Variants in NKIRAS1 observed in about 807,000 individuals in gnomAD.
The protein encoded by NKIRAS1 is NFKB inhibitor interacting Ras like 1, also known as NF-kappa-B inhibitor-interacting Ras-like protein 1.
NKIRAS1 carries 16 observed loss-of-function variants against 19.8 expected under a neutral mutation model. The observed-to-expected ratio is 0.81, with a 90% CI of 0.55 to 1.23. The LOEUF is 1.23. NKIRAS1 is among the 50% of genes most tolerant of loss of function. The pLI, the probability that NKIRAS1 is intolerant of heterozygous loss-of-function variation, is 0.00. For synonymous variants in NKIRAS1, 88 were observed against 79.0 expected (o/e 1.11, Z -0.61); for missense variants, 184 against 220.0 (o/e 0.84, Z 1.04).
At chr3:23,939,077 C>T (rs542462721) in intron 1 of NKIRAS1, among the ~76,000 whole-genome samples, 2 of 152,186 alleles carry the variant, frequency 1.3e-5, no homozygotes, top group Non-Finnish European at 2.9e-5. Context: ...CAAAATAATG[C>T]TGTTATCTTA....
chr3:23,926,282 C>T lies in NKIRAS1; in HGVS notation c.-139-14832G>A, dbSNP rs921327333. On this transcript the variant is annotated intron_variant, in intron 1 of 4. Transcript: ENST00000421515. This position sits in a 1 kb window ranked among gnomAD's most constrained non-coding sequence, Gnocchi z 4.3. ...GGCCAGGCTGGTCTCAAACGCCTGA[C>T]CTTAGGTGATCCACCTGCCTTGGAC... 1.3e-5 allele frequency among the ~76,000 whole-genome samples: 2 copies of T among 152,162 alleles called. No individual in the cohort carries two copies. Among genetic ancestry groups the T allele is most frequent in the Non-Finnish European group, 1.5e-5 (1 of 68,036 alleles).
rs182624727 is a variant in NKIRAS1, at chr3:23,940,325, C to T, written c.-140+5998G>A. Among the ~76,000 whole-genome samples the T allele has an allele frequency of 6.6e-4, 99 of 149,052 alleles. 1 individual carries two copies. Among genetic ancestry groups the T allele is most frequent in the African/African-American group, 2.4e-3 (97 of 40,362 alleles). ...TTGCACCACTGTACTGCAGCTGGGG[C>T]GACAAAGCCAGACCTGTTTCTAAAA... is the stretch of plus-strand genomic sequence containing the variant. On this transcript the variant is annotated intron_variant, in intron 1 of 4. Transcript: ENST00000421515.
rs927855039 is a variant in NKIRAS1, at chr3:23,913,437, G to A, written c.-139-1987C>T. ...CAGGCTGAAATATTCTAGGTTCCTG[G>A]TTGCCTTCCAAATAGGAAACAATAC... On this transcript the variant is annotated intron_variant, in intron 1 of 4. Coordinates refer to ENST00000425478, the MANE Select transcript of NKIRAS1 (RefSeq NM_020345.4). Among the ~76,000 whole-genome samples the A allele has an allele frequency of 2.6e-5, 4 of 152,144 alleles. No homozygotes were observed. In the East Asian group the frequency reaches 5.8e-4, roughly 22 times the overall value.
intron 3 of NKIRAS1, among the ~76,000 whole-genome samples, chr3:23,906,050 T>C (rs1406382776): frequency 2.7e-5 from 4 of 150,862 alleles, no homozygotes; most frequent in South Asian, 4.2e-4. Context: ...TCCCAGCTAC[T>C]TGGGAGGCTG....
rs1701460169 is a variant in NKIRAS1, at chr3:23,891,467, C to T, written c.*1628G>A. On this transcript the variant is annotated 3_prime_UTR_variant, in exon 5 of 5. Coordinates refer to ENST00000425478, the MANE Select transcript of NKIRAS1 (RefSeq NM_020345.4). ...CCTATATTAGGATCTGTACTTTACA[C>T]AGCTGTAGATGAGGTATCCTAGAAA... is the stretch of plus-strand genomic sequence containing the variant. Among the ~76,000 whole-genome samples, 1 of 152,208 alleles carries T rather than the reference C, an allele frequency of 6.6e-6. No individual in the cohort carries two copies.
chr3:23,892,999 T>C lies in NKIRAS1; in HGVS notation c.*96A>G, dbSNP rs1136155. The C allele has an allele frequency of 0.19, 249,427 of 1,299,232 alleles. 25,146 individuals are homozygous for C. The highest frequency in any genetic ancestry group is 0.2 in the Non-Finnish European group (194,699 of 974,604). 80.5% of individuals were successfully genotyped at this position (1,299,232 alleles called of 1,614,324 possible). ...AATTTTCCTAAGGACCAAAGGTAGA[T>C]ACAAATGGCCTATTTTAAATAGTAA... On this transcript the variant is annotated 3_prime_UTR_variant, in exon 5 of 5. Transcript: ENST00000425478.
chr3:23,902,158 C>T (rs187617780), intron 3 of NKIRAS1, among the ~76,000 whole-genome samples: 1 of 152,132 alleles, frequency 6.6e-6, no homozygotes, highest in East Asian at 1.9e-4. Flanking sequence ...CTATACCCCC[C>T]CCAATCATAC....
chr3:23,915,385 A>C (rs1161980298), intron 1 of NKIRAS1, among the ~76,000 whole-genome samples: 1 of 152,216 alleles, frequency 6.6e-6, no homozygotes, highest in Admixed American at 6.5e-5. Flanking sequence ...TAGCTTGGTG[A>C]TATTTACAGA....
intron 3 of NKIRAS1, among the ~76,000 whole-genome samples, chr3:23,907,616 C>T (rs1229942447): frequency 6.6e-6 from 1 of 152,198 alleles, no homozygotes; most frequent in African/African-American, 2.4e-5. Flanking sequence ...ACTGCCGGTA[C>T]CTTAGTGCAA....
chr3:23,930,839 A>G (rs1705302174), intron 1 of NKIRAS1, among the ~76,000 whole-genome samples: 1 of 150,232 alleles, frequency 6.7e-6, no homozygotes, highest in Admixed American at 6.6e-5. Flanking sequence ...AGTAGCTGGG[A>G]CTATAGGTGC....
chr3:23,890,287 A>C lies in NKIRAS1; in HGVS notation c.*2808T>G, dbSNP rs932177748. Among the ~76,000 whole-genome samples the C allele has an allele frequency of 6.6e-6, 1 of 152,128 alleles. No homozygotes were observed. Among genetic ancestry groups the C allele is most frequent in the Non-Finnish European group, 1.5e-5 (1 of 68,020 alleles). ...GAGAAAAATGGAATGAACTAAGATA[A>C]AGACAGACCAGTACACTAAAGCCTA... On this transcript the variant is annotated 3_prime_UTR_variant, in exon 5 of 5. Transcript: ENST00000425478.
upstream of NKIRAS1, chr3:23,917,648 T>A: frequency 3.7e-6 from 2 of 536,826 alleles, no homozygotes; most frequent in Non-Finnish European, 6.6e-6. Context: ...AGCACCGCTC[T>A]GTGCTGGGGT....
At chr3:23,905,020 G>A (rs1418890615) in intron 3 of NKIRAS1, among the ~76,000 whole-genome samples, 7 of 152,026 alleles carry the variant, frequency 4.6e-5, no homozygotes, top group African/African-American at 1.7e-4. Flanking sequence ...ATAGAGATGG[G>A]GTCTCCTGAT....
upstream of NKIRAS1, chr3:23,917,617 T>C (rs1575117790): frequency 1.3e-5 from 6 of 462,844 alleles, no homozygotes; most frequent in East Asian, 2.0e-4. Context: ...TTCTGTTAAT[T>C]CGCCCCACCA....
At chr3:23,920,520 G>A (rs1348529676), upstream of NKIRAS1, 30 of 985,132 alleles carry the variant, frequency 3.0e-5, no homozygotes, top group Non-Finnish European at 3.6e-5. Context: ...TTGCATTTCT[G>A]TTTGCACCAT....
intron 3 of NKIRAS1, among the ~76,000 whole-genome samples, chr3:23,906,547 TCTC>T (rs1703082400): frequency 6.6e-6 from 1 of 152,098 alleles, no homozygotes; most frequent in Admixed American, 6.6e-5. Context: ...CCCTCCTCCT[TCTC>T]CTCAGTCTAC....
chr3:23,896,060 G>A (rs776528534), intron 4 of NKIRAS1, among the ~76,000 whole-genome samples: 27 of 144,560 alleles, frequency 1.9e-4, no homozygotes, highest in Non-Finnish European at 2.6e-4. Context: ...GCATGAACCC[G>A]AGAGGCAGAG....
chr3:23,939,191 T>G (rs1215334106), intron 1 of NKIRAS1, among the ~76,000 whole-genome samples: 1 of 152,222 alleles, frequency 6.6e-6, no homozygotes, highest in Non-Finnish European at 1.5e-5. Flanking sequence ...TGAGGTTTCC[T>G]TAGTTACAAA....
intron 1 of NKIRAS1, among the ~76,000 whole-genome samples, chr3:23,934,085 C>A (rs1341962854): frequency 6.6e-6 from 1 of 152,152 alleles, no homozygotes; most frequent in African/African-American, 2.4e-5. Context: ...ACATTCAGAC[C>A]ATAGCAAGAG....
Sources: gnomAD v4.1 joint callset for allele counts (sites outside exome capture counted in the v4.1 genomes callset) on GRCh38, gnomAD v4.1.1 for gene constraint, Gnocchi (gnomAD v3.1) non-coding constraint, MANE v1.5 for transcripts, NCBI Gene and HGNC (gene_info 2026-07-23, HGNC 2026-07-21) for gene names.